Variants in XKR5 observed in about 807,000 individuals in gnomAD.
XKR5 encodes XK-related protein 5.
Under a neutral mutation model 40.8 loss-of-function variants are expected in XKR5, and 46 were observed. That is an observed-to-expected ratio of 1.13 (90% CI 0.89 to 1.44). The LOEUF (loss-of-function observed/expected upper bound fraction) is 1.44. Among genes scored for constraint, XKR5 ranks in the 40% most tolerant of loss-of-function variants. The probability of loss-of-function intolerance (pLI) is 0.00; values close to 1 mark genes in which losing one functional copy is unlikely to be tolerated. For missense variants in XKR5, 1,169 were observed against 844.7 expected (o/e 1.38, Z -4.76); for synonymous variants, 466 against 356.1 (o/e 1.31, Z -3.48).
At chr8:6,817,271 T>G (rs1453263663) in intron 5 of XKR5, among the ~76,000 whole-genome samples, 1 of 152,090 alleles carries the variant, frequency 6.6e-6, no homozygotes, top group African/African-American at 2.4e-5. Context: ...CCACCTTAAC[T>G]TCAGGATCCA....
intron 2 of XKR5, among the ~76,000 whole-genome samples, chr8:6,828,090 A>G (rs994400921): frequency 2.0e-5 from 3 of 151,982 alleles, no homozygotes; most frequent in Non-Finnish European, 4.4e-5. Context: ...AAAAGGGGGG[A>G]AGTGAAATGA....
In XKR5 at chr8:6,823,789, G is replaced by A. The variant is rs558950653; in HGVS notation, c.428-59C>T. The A allele has an allele frequency of 2.8e-4, 388 of 1,393,778 alleles. 2 individuals carry two copies. The highest frequency in any genetic ancestry group is 6.9e-6 in the Non-Finnish European group (7 of 1,008,422). 86.3% of individuals were successfully genotyped at this position (1,393,778 alleles called of 1,614,324 possible). On this transcript the variant is annotated intron_variant, in intron 3 of 6. Transcript: ENST00000618742. The stretch of plus-strand genomic sequence containing the variant: ...GAAGATTCCGAAGTAACAGTACCTT[G>A]TGAAGATTCACTCATGGCATTTCTT...
rs367593418 is a variant in XKR5, at chr8:6,834,988, C to T, written c.58+448G>A. Among the ~76,000 whole-genome samples the T allele has an allele frequency of 9.8e-5, 15 of 152,318 alleles. No individual in the cohort carries two copies. In the East Asian group the frequency reaches 2.5e-3, roughly 26 times the overall value. ...GAGCGGCCTCCAAGTCGCAGGGTCC[C>T]CCTGGACGGCCGGGGGTCGGGGGAG... is the stretch of plus-strand genomic sequence containing the variant. On this transcript the variant is annotated intron_variant, in intron 1 of 6. Coordinates refer to ENST00000618742, the MANE Select transcript of XKR5 (RefSeq NM_207411.5).
rs921572509 is a variant in XKR5, at chr8:6,835,474, C to T, written c.20G>A (p.Gly7Glu). Residue 7 changes from glycine (G) to glutamate (E), a missense_variant, in exon 1 of 7, where the codon GGG becomes GAG. Gly to Glu is a moderately conservative substitution (Grantham distance 98). Coordinates refer to ENST00000618742, the MANE Select transcript of XKR5 (RefSeq NM_207411.5). MHARLL[G>E]LSALLQAAEQ... Reference sequence around the variant, plus strand: ...GGCCGCCTGCAGCAGGGCCGAGAGCCCCAGGAGCCTCGCGTGCATCTTCCG... The same window carrying T: ...GGCCGCCTGCAGCAGGGCCGAGAGCTCCAGGAGCCTCGCGTGCATCTTCCG... The T allele has an allele frequency of 1.6e-4, 239 of 1,502,846 alleles. No individual in the cohort carries two copies. Among genetic ancestry groups the T allele is most frequent in the Non-Finnish European group, 2.0e-4 (230 of 1,133,440 alleles). The allele number at this position is 1,502,846 out of a possible 1,614,324, so 93.1% of individuals were successfully genotyped here. A position where few individuals can be genotyped will look rare whatever the true frequency, so the allele number is the denominator to read the frequency against.
intron 4 of XKR5, 81 bp downstream of exon 4, chr8:6,823,440 T>C (rs972001463): frequency 7.0e-7 from 1 of 1,422,234 alleles, no homozygotes; most frequent in African/African-American, 1.4e-5. Flanking sequence ...TTGAGGATCA[T>C]ATGTGGTTAT....
rs1803644303 is a variant in XKR5, at chr8:6,810,828, T to C, written c.*370A>G. The C allele has an allele frequency of 5.7e-6, 1 of 174,934 alleles. No homozygotes were observed. Among genetic ancestry groups the C allele is most frequent in the East Asian group, 1.6e-4 (1 of 6,100 alleles). 10.8% of individuals were successfully genotyped at this position (174,934 alleles called of 1,614,324 possible). A position where few individuals can be genotyped will look rare whatever the true frequency, so the allele number is the denominator to read the frequency against. On this transcript the variant is annotated 3_prime_UTR_variant, in exon 7 of 7. Coordinates refer to ENST00000618742, the MANE Select transcript of XKR5 (RefSeq NM_207411.5). ...GCTAAATGTGAGGCAAAGCTAATTG[T>C]AACAAGAACCTCAAATAAAATAGGA...
At chr8:6,817,845 A>C (rs1485408723) in intron 5 of XKR5, among the ~76,000 whole-genome samples, 3 of 152,082 alleles carry the variant, frequency 2.0e-5, no homozygotes, top group South Asian at 2.1e-4. Flanking sequence ...AACAGGACTG[A>C]CTCCTGCCTC....
In XKR5 at chr8:6,825,213, G is replaced by T. The variant is rs773930193; in HGVS notation, c.379C>A (p.Leu127Ile). The T allele has an allele frequency of 1.2e-5, 20 of 1,613,118 alleles. No individual in the cohort carries two copies. The highest frequency in any genetic ancestry group is 3.3e-4 in the Middle Eastern group (2 of 6,084). ...ALLQTGPHLL[L>I]QTYVFLASDF... ...GAGGCTAGAAAAACATATGTCTGAA[G>T]CAGCAGGTGGGGCCCAGTCTGCAGC... The change falls in exon 3 of 7, where the codon CTT (leucine) becomes ATT (isoleucine). Residue 127 changes from leucine to isoleucine, a missense_variant. Coordinates refer to ENST00000618742, the MANE Select transcript of XKR5 (RefSeq NM_207411.5).
At position 6,822,003 on chromosome 8, in the gene XKR5, C is replaced by T. The variant is rs368056834; in HGVS notation, c.673G>A (p.Ala225Thr). The change falls in exon 5 of 7, where the codon GCC becomes ACC. Residue 225 changes from alanine (A) to threonine (T), a missense_variant. Ala to Thr is a moderately conservative substitution (Grantham distance 58). Coordinates refer to ENST00000618742, the MANE Select transcript of XKR5 (RefSeq NM_207411.5). ...CTGTCGATGATGTCACTCTGCTGGGCGACAAGCCAGAATGTCATCACCAGC... is the reference window on the plus strand; with the variant it reads ...CTGTCGATGATGTCACTCTGCTGGGTGACAAGCCAGAATGTCATCACCAGC... ...HWLVMTFWLV[A>T]QQSDIIDSTC... The T allele has an allele frequency of 3.0e-5, 48 of 1,604,894 alleles. No homozygotes were observed. Among genetic ancestry groups the T allele is most frequent in the Non-Finnish European group, 3.7e-5 (43 of 1,176,146 alleles).
chr8:6,821,898 A>T lies in XKR5; in HGVS notation c.778T>A (p.Ser260Thr). Reference protein sequence around the residue: ...LCYLSFWDSPSRNRMVTFYMV... With the variant: ...LCYLSFWDSPTRNRMVTFYMV... ...TAGAACGTGACCATCCTATTTCTAGAAGGGCTGTCCCAGAAGCTGAGGTAG... is the reference window on the plus strand; with the variant it reads ...TAGAACGTGACCATCCTATTTCTAGTAGGGCTGTCCCAGAAGCTGAGGTAG... The change falls in exon 5 of 7, where the codon TCT becomes ACT. Residue 260 changes from serine to threonine, a missense_variant. Physicochemically the swap from Ser to Thr is moderately conservative, Grantham distance 58. Coordinates refer to ENST00000618742, the MANE Select transcript of XKR5 (RefSeq NM_207411.5). The T allele has an allele frequency of 6.2e-7, 1 of 1,613,548 alleles. No homozygotes were observed. The highest frequency in any genetic ancestry group is 1.1e-5 in the South Asian group (1 of 90,926).
intron 5 of XKR5, among the ~76,000 whole-genome samples, chr8:6,818,781 T>A (rs1804083107): frequency 6.6e-6 from 1 of 152,226 alleles, no homozygotes. Flanking sequence ...GAGGCCCAGC[T>A]GCACTGGAGG....
intron 6 of XKR5, among the ~76,000 whole-genome samples, chr8:6,814,253 A>G (rs1482860275): frequency 2.0e-5 from 3 of 152,206 alleles, no homozygotes; most frequent in Non-Finnish European, 1.5e-5. Flanking sequence ...ATGCCCGTCC[A>G]TGGGTCGACG....
At position 6,832,807 on chromosome 8, in the gene XKR5, G is replaced by T. The variant is rs1804830290; in HGVS notation, c.152C>A (p.Ala51Asp). The stretch of plus-strand genomic sequence containing the variant: ...TGCTCGGAACCACAGGTAGCTCAGG[G>T]CCTGGACCAAGAACCCGGGCAGGAG... ...AVLLPGFLVQ[A>D]LSYLWFRADG... The change falls in exon 2 of 7, where the codon GCC (alanine) becomes GAC (aspartate). Residue 51 changes from alanine to aspartate, a missense_variant. By Grantham distance (126) the Ala-to-Asp change is moderately radical. Transcript: ENST00000618742. 1 of 1,612,992 alleles carries T rather than the reference G, an allele frequency of 6.2e-7. No individual in the cohort carries two copies. The highest frequency in any genetic ancestry group is 1.7e-4 in the Middle Eastern group (1 of 6,056).
intron 1 of XKR5, among the ~76,000 whole-genome samples, chr8:6,834,434 C>T (rs1381726522): frequency 6.6e-6 from 1 of 152,230 alleles, no homozygotes; most frequent in Non-Finnish European, 1.5e-5. Context: ...TTCGGTGCTG[C>T]AGGGCTGGGG....
At chr8:6,825,966 C>T (rs1388080196) in intron 2 of XKR5, among the ~76,000 whole-genome samples, 3 of 152,092 alleles carry the variant, frequency 2.0e-5, no homozygotes, top group Non-Finnish European at 1.5e-5. Flanking sequence ...TAGATCAGGG[C>T]CCTGAACTTC....
intron 6 of XKR5, among the ~76,000 whole-genome samples, chr8:6,812,638 G>C (rs13255666): frequency 0.18 from 27,932 of 152,242 alleles, 3,227 homozygotes; most frequent in East Asian, 0.36. Context: ...GTGTGTGAGT[G>C]TGCATTCATG....
At chr8:6,824,486 C>T (rs1804372231) in intron 3 of XKR5, among the ~76,000 whole-genome samples, 1 of 152,090 alleles carries the variant, frequency 6.6e-6, no homozygotes, top group South Asian at 2.1e-4. Context: ...TCTCAGTTTC[C>T]ACATGGCTTT....
At chr8:6,829,802 C>T (rs1804674629) in intron 2 of XKR5, among the ~76,000 whole-genome samples, 1 of 148,200 alleles carries the variant, frequency 6.7e-6, no homozygotes, top group Non-Finnish European at 1.5e-5. Context: ...CAGGTGTGAG[C>T]CGTCACGCCA....
In XKR5 at chr8:6,815,907, C is replaced by T. The variant is rs778151680; in HGVS notation, c.819G>A (p.Leu273=). The change falls in exon 6 of 7, where the codon TTG becomes TTA. Residue 273 remains leucine, a synonymous_variant. Coordinates refer to ENST00000618742, the MANE Select transcript of XKR5 (RefSeq NM_207411.5). ...CCAACAGCAACAGGATGATGTTCTC[C>T]AACAGCATGACCTGCGGGACCCAGG... ...RMVTFYMVML[L]ENIILLLLAT... The T allele has an allele frequency of 6.3e-7, 1 of 1,599,810 alleles. No homozygotes were observed. The highest frequency in any genetic ancestry group is 1.7e-5 in the Admixed American group (1 of 58,078).
Sources: gnomAD v4.1 joint callset for allele counts (sites outside exome capture counted in the v4.1 genomes callset) on GRCh38, gnomAD v4.1.1 for gene constraint, MANE v1.5 for transcripts, NCBI Gene and HGNC (gene_info 2026-07-23, HGNC 2026-07-21) for gene names.